Variants in NPAS1 observed in about 807,000 individuals in gnomAD.
NPAS1 encodes the protein neuronal PAS domain protein 1.
A neutral mutation model predicts 49.2 loss-of-function variants in NPAS1; 29 were observed. The ratio of observed to expected loss-of-function variants is 0.59; its 90% CI spans 0.44 to 0.80. The LOEUF (loss-of-function observed/expected upper bound fraction) is 0.80. Among genes scored for constraint, NPAS1 ranks in the 30% least tolerant of loss-of-function variants. The pLI, the probability that NPAS1 is intolerant of heterozygous loss-of-function variation, is 0.00. For synonymous variants in NPAS1, 408 were observed against 380.4 expected, an observed-to-expected ratio of 1.07 and a Z score of -0.84; for missense variants, 825 against 835.5, an observed-to-expected ratio of 0.99 and a Z score of 0.15.
chr19:47,042,860 G>C lies in NPAS1; in HGVS notation c.1268G>C (p.Ser423Thr). The C allele has an allele frequency of 1.2e-6, 2 of 1,606,462 alleles. No homozygotes were observed. Among genetic ancestry groups the C allele is most frequent in the Non-Finnish European group, 1.7e-6 (2 of 1,176,704 alleles). Residue 423 changes from serine (S) to threonine (T), a missense_variant, in exon 11 of 12, where the codon AGC becomes ACC. Ser to Thr is a moderately conservative substitution (Grantham distance 58, BLOSUM62 1). Transcript: ENST00000602212. Reference sequence around the variant, plus strand: ...TTGGATGCCTTCCAGCTTCCAGCCAGCGTGGCCTGTGAGGAGGCATCCAGC... The same window carrying C: ...TTGGATGCCTTCCAGCTTCCAGCCACCGTGGCCTGTGAGGAGGCATCCAGC... ...TPLDAFQLPA[S>T]VACEEASSPG...
chr19:47,038,687 C>T (rs2122527327), intron 6 of NPAS1, among the ~76,000 whole-genome samples: 1 of 152,204 alleles, frequency 6.6e-6, no homozygotes, highest in East Asian at 1.9e-4. Context: ...ATTAGTCGGG[C>T]ATGGTAGCAT....
rs547906181 is a variant in NPAS1 at position 47,026,266 on chromosome 19, C to T, written c.358+4419C>T. ...GGAAGTGATCTTTGAGCTGAGGCTC[C>T]AAGGAGGTGTGGGAGCAGCTGTGAG... is the stretch of plus-strand genomic sequence containing the variant. On this transcript the variant is annotated intron_variant, in intron 3 of 11. Transcript: ENST00000602212. Among the ~76,000 whole-genome samples the T allele has an allele frequency of 2.6e-5, 4 of 152,292 alleles. No homozygotes were observed. In the South Asian group the frequency reaches 8.3e-4, roughly 32 times the overall value.
At chr19:47,040,394 C>T (rs2057004954) in intron 8 of NPAS1, 50 bp from the exon 9 acceptor site, 2 of 1,321,166 alleles carry the variant, frequency 1.5e-6, no homozygotes, top group African/African-American at 1.4e-5. Flanking sequence ...TCTGCCTCTC[C>T]CCCAACCCCG....
chr19:47,045,496 G>A lies in NPAS1; in HGVS notation c.1618G>A (p.Gly540Ser), dbSNP rs992359895. 5 of 1,557,470 alleles carry A rather than the reference G, an allele frequency of 3.2e-6. No individual in the cohort carries two copies. Among genetic ancestry groups the A allele is most frequent in the South Asian group, 2.3e-5 (2 of 86,260 alleles). The change falls in exon 12 of 12, where the codon GGC becomes AGC. Residue 540 changes from glycine to serine, a missense_variant. Physicochemically the swap from Gly to Ser is moderately conservative, Grantham distance 56. Coordinates refer to ENST00000602212, the MANE Select transcript of NPAS1 (RefSeq NM_002517.4). ...GGTGGTGCGGGGCCTGTGCACACCC[G>A]GCACCATCCGCTACGGCCCCGCGGA... ...PPVVRGLCTP[G>S]TIRYGPAELG...
At chr19:47,031,007 TA>T (rs1009415960) in intron 3 of NPAS1, among the ~76,000 whole-genome samples, 2 of 152,062 alleles carry the variant, frequency 1.3e-5, no homozygotes, top group African/African-American at 4.8e-5. Context: ...TCTATTCCTT[TA>T]TATCCCTCTG....
rs759280181 is a variant in NPAS1 at position 47,021,065 on chromosome 19, C to G, written c.18C>G (p.Pro6=). The change falls in exon 2 of 12, where the codon CCC becomes CCG. Residue 6 remains proline, a synonymous_variant. Coordinates refer to ENST00000602212, the MANE Select transcript of NPAS1 (RefSeq NM_002517.4). This position sits in a 1 kb window ranked among gnomAD's most constrained non-coding sequence, Gnocchi z 5.7. The part of the protein sequence containing the change: MAAPY[P]GSGGGSEVKC... ...CCCCGGAGATGGCGGCCCCCTATCCCGGCAGTGGCGGCGGAAGCGAGGTCA... is the reference window on the plus strand; with the variant it reads ...CCCCGGAGATGGCGGCCCCCTATCCGGGCAGTGGCGGCGGAAGCGAGGTCA... 2 of 1,606,422 alleles carry G rather than the reference C, an allele frequency of 1.2e-6. No homozygotes were observed. The highest frequency in any genetic ancestry group is 2.2e-5 in the South Asian group (2 of 90,508).
At chr19:47,024,481 G>A (rs1037290545) in intron 3 of NPAS1, among the ~76,000 whole-genome samples, 7 of 144,566 alleles carry the variant, frequency 4.8e-5, no homozygotes, top group African/African-American at 1.0e-4. Context: ...GCGAGACCCC[G>A]TTCTCCAGAA....
chr19:47,021,060 T>C lies in NPAS1; in HGVS notation c.13T>C (p.Tyr5His). The change falls in exon 2 of 12, where the codon TAT (tyrosine) becomes CAT (histidine). Residue 5 changes from tyrosine to histidine, a missense_variant. By Grantham distance (83) the Tyr-to-His change is moderately conservative. Transcript: ENST00000602212. The surrounding 1 kb of genome is among the most constrained non-coding windows in gnomAD (Gnocchi z 5.7). ...GAGCCCCCCGGAGATGGCGGCCCCC[T>C]ATCCCGGCAGTGGCGGCGGAAGCGA... The part of the protein sequence containing the change: MAAP[Y>H]PGSGGGSEVK... The C allele has an allele frequency of 6.2e-7, 1 of 1,606,064 alleles. No homozygotes were observed.
chr19:47,024,627 CA>C (rs2056860440), intron 3 of NPAS1, among the ~76,000 whole-genome samples: 1 of 152,218 alleles, frequency 6.6e-6, no homozygotes, highest in East Asian at 1.9e-4. Context: ...GACCTTGCCC[CA>C]AAGGCCGCCT....
chr19:47,037,519 T>C (rs1467397426), intron 6 of NPAS1, among the ~76,000 whole-genome samples: 1 of 152,056 alleles, frequency 6.6e-6, no homozygotes, highest in Non-Finnish European at 1.5e-5. Flanking sequence ...CCCAGGTCTG[T>C]CTGTTCCGGG....
At chr19:47,022,743 C>T (rs909647809) in intron 3 of NPAS1, among the ~76,000 whole-genome samples, 8 of 151,932 alleles carry the variant, frequency 5.3e-5, no homozygotes, top group Non-Finnish European at 1.0e-4. Context: ...GTGGCCAAGA[C>T]GCAATAAAGA....
At chr19:47,043,856 A>G (rs992561188) in intron 11 of NPAS1, among the ~76,000 whole-genome samples, 1 of 152,136 alleles carries the variant, frequency 6.6e-6, no homozygotes, top group African/African-American at 2.4e-5. Context: ...CTTTAGCCTA[A>G]GAGTTCAAGA....
At chr19:47,043,133 T>C (rs1481479543) in intron 11 of NPAS1, among the ~76,000 whole-genome samples, 1 of 150,464 alleles carries the variant, frequency 6.6e-6, no homozygotes, top group Admixed American at 6.6e-5. Context: ...TTGTCTCTAC[T>C]AAAAATACAA....
Position 47,036,141 on chromosome 19 carries a change from G to A in NPAS1, c.688+12G>A. On this transcript the variant is annotated intron_variant, in intron 6 of 11. Transcript: ENST00000602212. ...TACCCCCGAGATCGGTAATTCTAAG[G>A]GCTCCTAAAGAATGAAGTCTGAGGG... The A allele has an allele frequency of 1.9e-6, 3 of 1,552,268 alleles. No individual in the cohort carries two copies. The highest frequency in any genetic ancestry group is 2.6e-6 in the Non-Finnish European group (3 of 1,148,282).
At position 47,035,924 on chromosome 19, in the gene NPAS1, C is replaced by T. The variant is rs1482865422; in HGVS notation, c.523-40C>T. ...GAGGGCGAGCGAGTTACTGCGCGCG[C>T]ACCTCACCCGCCCCCTGCATTCCCC... On this transcript the variant is annotated intron_variant, in intron 5 of 11. Coordinates refer to ENST00000602212, the MANE Select transcript of NPAS1 (RefSeq NM_002517.4). The T allele has an allele frequency of 2.7e-6, 4 of 1,472,890 alleles. No homozygotes were observed. In the South Asian group the frequency reaches 5.7e-5, roughly 21 times the overall value. The allele number at this position is 1,472,890 out of a possible 1,614,324, so 91.2% of individuals were successfully genotyped here. A position where few individuals can be genotyped will look rare whatever the true frequency, so the allele number is the denominator to read the frequency against.
intron 10 of NPAS1, among the ~76,000 whole-genome samples, chr19:47,041,485 A>C (rs1599921566): frequency 6.6e-6 from 1 of 151,910 alleles, no homozygotes; most frequent in Non-Finnish European, 1.5e-5. Context: ...TAATGGAAAG[A>C]AGCAGGGAGG....
At chr19:47,034,675 G>A (rs1252897048) in intron 5 of NPAS1, among the ~76,000 whole-genome samples, 9 of 151,848 alleles carry the variant, frequency 5.9e-5, no homozygotes, top group Admixed American at 3.3e-4. Flanking sequence ...TCAGGAGTTC[G>A]AGACCAACCT....
At chr19:47,035,311 A>C (rs1599907804) in intron 5 of NPAS1, 1 of 152,546 alleles carries the variant, frequency 6.6e-6, no homozygotes, top group Admixed American at 6.5e-5. Flanking sequence ...GAAGCATGTG[A>C]CCTCCAAGCT....
At chr19:47,026,033 A>G (rs1026365206) in intron 3 of NPAS1, among the ~76,000 whole-genome samples, 6 of 151,756 alleles carry the variant, frequency 4.0e-5, no homozygotes, top group Admixed American at 1.3e-4. Context: ...TCCACTTCCC[A>G]GGTTCAAGCG....
Sources: gnomAD v4.1 joint callset for allele counts (sites outside exome capture counted in the v4.1 genomes callset) on GRCh38, gnomAD v4.1.1 for gene constraint, Gnocchi (gnomAD v3.1) non-coding constraint, MANE v1.5 for transcripts, NCBI Gene and HGNC (gene_info 2026-07-23, HGNC 2026-07-21) for gene names.